OXR1: variants seen among roughly 807,000 people sequenced by gnomAD.
The protein encoded by OXR1 is oxidation resistance protein 1.
In OXR1, 41 loss-of-function variants were observed where a neutral mutation model predicts 104.6. The ratio of observed to expected loss-of-function variants is 0.39; its 90% CI spans 0.31 to 0.51. The LOEUF (loss-of-function observed/expected upper bound fraction) is 0.51, where lower values mean the gene tolerates loss of function less well. Among genes scored for constraint, OXR1 ranks in the 20% least tolerant of loss-of-function variants. OXR1 has a pLI of 0.77. For synonymous variants in OXR1, 348 were observed against 348.4 expected (o/e 1.00, Z 0.01); for missense variants, 955 against 1,031.9 (o/e 0.93, Z 1.02).
intron 1 of OXR1, among the ~76,000 whole-genome samples, chr8:106,340,821 T>A (rs926301207): frequency 6.6e-6 from 1 of 152,128 alleles, no homozygotes; most frequent in African/African-American, 2.4e-5. Context: ...TTTACATTTA[T>A]ACTATCTACT....
At chr8:106,582,354 A>T (rs976638943) in intron 3 of OXR1, among the ~76,000 whole-genome samples, 1 of 152,112 alleles carries the variant, frequency 6.6e-6, no homozygotes, top group African/African-American at 2.4e-5. Context: ...AATAAACTAA[A>T]AACAAAGCAC....
chr8:106,700,512 A>G (rs1476936815), intron 7 of OXR1, among the ~76,000 whole-genome samples: 3 of 152,214 alleles, frequency 2.0e-5, no homozygotes, highest in African/African-American at 7.2e-5. Context: ...TTTTAGTAAT[A>G]GCACATAAGG....
In OXR1 at chr8:106,745,777, A is replaced by T. The variant is rs1230715181; in HGVS notation, c.2413-12A>T. On this transcript the variant is annotated splice_polypyrimidine_tract_variant and intron_variant, in intron 15 of 16. Coordinates refer to ENST00000517566, the MANE Select transcript of OXR1 (RefSeq NM_001198533.2). ...CATCTATATATTTAAAGCTTTTTTT[A>T]AATTTATATAGGTCTTTAAGTGGAC... 3.7e-6 allele frequency: 5 copies of T among 1,353,956 alleles called. No individual in the cohort carries two copies. The highest frequency in any genetic ancestry group is 5.2e-6 in the Non-Finnish European group (5 of 961,722). The allele number at this position is 1,353,956 out of a possible 1,614,324, so 83.9% of individuals were successfully genotyped here.
rs534178843 is a variant in OXR1, at chr8:106,702,808, A to T, written c.676-98A>T. ...CAGTTCCTGAGTGTACTATTTTTATATATGGCCTAACATCAGAAGAAAATT... is the reference window on the plus strand; with the variant it reads ...CAGTTCCTGAGTGTACTATTTTTATTTATGGCCTAACATCAGAAGAAAATT... On this transcript the variant is annotated intron_variant, in intron 7 of 16. Transcript: ENST00000517566. 6.4e-5 allele frequency: 57 copies of T among 885,262 alleles called. No homozygotes were observed. In the South Asian group the frequency reaches 1.2e-3, roughly 19 times the overall value. The allele number at this position is 885,262 out of a possible 1,614,324, so 54.8% of individuals were successfully genotyped here.
intron 3 of OXR1, among the ~76,000 whole-genome samples, chr8:106,567,488 C>A (rs1293011070): frequency 2.0e-5 from 3 of 152,026 alleles, no homozygotes; most frequent in Admixed American, 1.3e-4. Context: ...TTTTTAGCCT[C>A]ATCTGTTTAC....
At chr8:106,676,261 C>A (rs1285252953) in intron 3 of OXR1, among the ~76,000 whole-genome samples, 3 of 152,058 alleles carry the variant, frequency 2.0e-5, no homozygotes, top group Non-Finnish European at 4.4e-5. Flanking sequence ...GGTGTCTTAT[C>A]CAGCTTGCCA....
intron 2 of OXR1, among the ~76,000 whole-genome samples, chr8:106,503,169 T>G (rs980906479): frequency 5.9e-5 from 9 of 152,142 alleles, no homozygotes; most frequent in African/African-American, 1.9e-4. Flanking sequence ...AAACTAGAAA[T>G]GGAAGGATGT....
At chr8:106,464,118 C>T (rs997581054) in intron 2 of OXR1, among the ~76,000 whole-genome samples, 1 of 151,982 alleles carries the variant, frequency 6.6e-6, no homozygotes, top group Non-Finnish European at 1.5e-5. Context: ...ATTATATTCT[C>T]ATAGTTTTGT....
chr8:106,654,725 A>C (rs1445162129), intron 3 of OXR1, among the ~76,000 whole-genome samples: 2 of 152,178 alleles, frequency 1.3e-5, no homozygotes, highest in Admixed American at 6.5e-5. Flanking sequence ...GGATGTGATA[A>C]AAATATTGAT....
At chr8:106,675,302 C>T (rs1286491953) in intron 3 of OXR1, among the ~76,000 whole-genome samples, 1 of 152,080 alleles carries the variant, frequency 6.6e-6, no homozygotes, top group Non-Finnish European at 1.5e-5. Flanking sequence ...CTAACACAGT[C>T]CACAAACTTG....
At position 106,750,789 on chromosome 8, in the gene OXR1, T is replaced by A. The variant is rs1352695478; in HGVS notation, c.2487-17T>A. On this transcript the variant is annotated splice_polypyrimidine_tract_variant and intron_variant, in intron 16 of 16. Transcript: ENST00000517566. The stretch of plus-strand genomic sequence containing the variant: ...TTAAGGCATAAATATTAACAGATTA[T>A]TATTTATGTATTGCAGAGGAGAATT... The A allele has an allele frequency of 1.9e-6, 3 of 1,539,546 alleles. No homozygotes were observed. Among genetic ancestry groups the A allele is most frequent in the Admixed American group, 4.0e-5 (2 of 50,248 alleles).
At chr8:106,493,249 T>TGTTA (rs1484270226) in intron 2 of OXR1, among the ~76,000 whole-genome samples, 1 of 152,198 alleles carries the variant, frequency 6.6e-6, no homozygotes, top group Non-Finnish European at 1.5e-5. Flanking sequence ...GACATGCAGA[T>TGTTA]GTTAGCATGC....
At chr8:106,666,338 G>A (rs1282420540) in intron 3 of OXR1, among the ~76,000 whole-genome samples, 1 of 152,192 alleles carries the variant, frequency 6.6e-6, no homozygotes, top group South Asian at 2.1e-4. Context: ...GGCAAATATG[G>A]CTATTGAGTA....
chr8:106,681,062 T>C (rs1828098800), intron 4 of OXR1, among the ~76,000 whole-genome samples: 1 of 152,234 alleles, frequency 6.6e-6, no homozygotes, highest in South Asian at 2.1e-4. Context: ...ACCTTATCTT[T>C]GTTTTTCTGC....
intron 1 of OXR1, among the ~76,000 whole-genome samples, chr8:106,292,040 G>C (rs147995506): frequency 6.6e-6 from 1 of 152,272 alleles, no homozygotes; most frequent in East Asian, 1.9e-4. Context: ...AACACGTGAT[G>C]AAATCTGCCA....
At chr8:106,637,336 T>TAC (rs1349131648) in intron 3 of OXR1, among the ~76,000 whole-genome samples, 1 of 152,140 alleles carries the variant, frequency 6.6e-6, no homozygotes, top group Non-Finnish European at 1.5e-5. Context: ...TGTGTATATA[T>TAC]ATATATCCAA....
chr8:106,302,178 C>A (rs568592956), intron 1 of OXR1, among the ~76,000 whole-genome samples: 20 of 152,274 alleles, frequency 1.3e-4, no homozygotes, highest in African/African-American at 4.8e-4. Context: ...GTTCTAGAAT[C>A]ATTCTTCAGT....
At chr8:106,363,587 A>C (rs16874443) in intron 2 of OXR1, among the ~76,000 whole-genome samples, 69,684 of 151,058 alleles carry the variant, frequency 0.46, 16,250 homozygotes, top group African/African-American at 0.53. Context: ...TAGACTCAAA[A>C]CATGTATGAT....
chr8:106,667,434 G>A (rs562208977), intron 3 of OXR1, among the ~76,000 whole-genome samples: 13 of 152,124 alleles, frequency 8.5e-5, no homozygotes, highest in African/African-American at 2.9e-4. Flanking sequence ...GTTAATAAAA[G>A]AAATGCATGT....
Sources: gnomAD v4.1 joint callset for allele counts (sites outside exome capture counted in the v4.1 genomes callset) on GRCh38, gnomAD v4.1.1 for gene constraint, MANE v1.5 for transcripts, NCBI Gene and HGNC (gene_info 2026-07-23, HGNC 2026-07-21) for gene names.